Variants in FAM151B observed in about 807,000 individuals in gnomAD.
FAM151B encodes the protein family with sequence similarity 151 member B, also known as protein FAM151B.
In FAM151B, 24 loss-of-function variants were observed where a neutral mutation model predicts 31.2. That is an observed-to-expected ratio of 0.77 (90% CI 0.56 to 1.08). The LOEUF (loss-of-function observed/expected upper bound fraction) is 1.08. Among genes scored for constraint, FAM151B ranks in the 50% least tolerant of loss-of-function variants. The pLI is 0.00. For synonymous variants in FAM151B, 105 were observed against 111.4 expected, an observed-to-expected ratio of 0.94 and a Z score of 0.36; for missense variants, 293 against 328.6, an observed-to-expected ratio of 0.89 and a Z score of 0.84.
chr5:80,514,104 CTATT>C (rs1408049267), intron 3 of FAM151B, among the ~76,000 whole-genome samples: 1 of 152,116 alleles, frequency 6.6e-6, no homozygotes, highest in African/African-American at 2.4e-5. Flanking sequence ...AATGCATACC[CTATT>C]TGATTTATGT....
chr5:80,496,163 A>C (rs1743529590), intron 1 of FAM151B, among the ~76,000 whole-genome samples: 1 of 152,178 alleles, frequency 6.6e-6, no homozygotes, highest in Admixed American at 6.5e-5. Flanking sequence ...TGCCACAGAG[A>C]GATCTTTCAT....
intron 5 of FAM151B, among the ~76,000 whole-genome samples, chr5:80,527,948 C>G (rs1205869681): frequency 1.3e-5 from 2 of 152,194 alleles, no homozygotes; most frequent in Non-Finnish European, 2.9e-5. Context: ...GCTTAAAACA[C>G]AACCACCTTG....
intron 2 of FAM151B, among the ~76,000 whole-genome samples, chr5:80,502,882 GCGTAGCATATAATAACTACA>G (rs1743801504): frequency 6.6e-6 from 1 of 152,124 alleles, no homozygotes; most frequent in African/African-American, 2.4e-5. Flanking sequence ...CTGAAACAGT[GCGTAGCATATAATAACTACA>G]CAGTGATTAT....
intron 5 of FAM151B, among the ~76,000 whole-genome samples, chr5:80,531,792 C>T (rs1038209103): frequency 6.6e-6 from 1 of 152,134 alleles, no homozygotes; most frequent in Non-Finnish European, 1.5e-5. Context: ...GTTGGTGGGA[C>T]TATAAACTAG....
At chr5:80,521,098 T>G (rs1744686096) in intron 4 of FAM151B, among the ~76,000 whole-genome samples, 1 of 147,050 alleles carries the variant, frequency 6.8e-6, no homozygotes, top group Non-Finnish European at 1.5e-5. Context: ...ATTACAGGCA[T>G]GAGCCACTGC....
rs1191997173 is a variant in FAM151B at position 80,541,627 on chromosome 5, C to T, written c.672-46C>T. On this transcript the variant is annotated intron_variant, in intron 5 of 5. Transcript: ENST00000282226. ...TTAGGCTTATTGGAATGACTCATCG[C>T]TTTCTTCCACTTTTAACTGTATAAT... The T allele has an allele frequency of 2.5e-6, 4 of 1,578,642 alleles. No homozygotes were observed. In the African/African-American group the frequency reaches 5.4e-5, roughly 21 times the overall value.
At chr5:80,525,754 A>G (rs1238496595) in intron 5 of FAM151B, among the ~76,000 whole-genome samples, 1 of 151,960 alleles carries the variant, frequency 6.6e-6, no homozygotes, top group African/African-American at 2.4e-5. Context: ...AACTAAAATA[A>G]CCTCTAAGGC....
intron 5 of FAM151B, among the ~76,000 whole-genome samples, chr5:80,525,265 C>G (rs1744907183): frequency 6.6e-6 from 1 of 152,132 alleles, no homozygotes; most frequent in African/African-American, 2.4e-5. Context: ...TTGAGTCAAG[C>G]AATTGTGCAT....
At position 80,513,715 on chromosome 5, in the gene FAM151B, A is replaced by T; in HGVS notation, c.263A>T (p.Glu88Val). Residue 88 changes from glutamate (E) to valine (V), a missense_variant, in exon 3 of 6, where the codon GAG (glutamate) becomes GTG (valine). Physicochemically the swap from Glu to Val is moderately radical, Grantham distance 121. Coordinates refer to ENST00000282226, the MANE Select transcript of FAM151B (RefSeq NM_205548.3). Reference protein sequence around the residue: ...PETNSDNTLQEWLTEVMKSNK... With the variant: ...PETNSDNTLQVWLTEVMKSNK... ...ACAAACAGTGATAATACTCTACAGGAGTGGCTGACTGAAGTTATGAAAAGC... is the reference window on the plus strand; with the variant it reads ...ACAAACAGTGATAATACTCTACAGGTGTGGCTGACTGAAGTTATGAAAAGC... The T allele has an allele frequency of 6.2e-7, 1 of 1,613,968 alleles. No homozygotes were observed. Among genetic ancestry groups the T allele is most frequent in the Non-Finnish European group, 8.5e-7 (1 of 1,179,980 alleles).
intron 2 of FAM151B, among the ~76,000 whole-genome samples, chr5:80,510,393 A>T (rs1266312483): frequency 6.6e-6 from 1 of 152,224 alleles, no homozygotes; most frequent in East Asian, 1.9e-4. Flanking sequence ...ATGTCTTTAC[A>T]TGGTGGCTGG....
At chr5:80,521,981 A>C (rs1274834099) in intron 4 of FAM151B, 22 bp from the exon 5 acceptor site, 8 of 1,513,582 alleles carry the variant, frequency 5.3e-6, no homozygotes, top group African/African-American at 1.4e-5. Context: ...AATAAAGTTA[A>C]ATTTTTTTCT....
At chr5:80,523,134 G>A (rs77782640) in intron 5 of FAM151B, among the ~76,000 whole-genome samples, 2,548 of 152,158 alleles carry the variant, frequency 0.017, 64 homozygotes, top group African/African-American at 0.057. Flanking sequence ...ATAAACAAGG[G>A]ATGATTCCTT....
intron 1 of FAM151B, among the ~76,000 whole-genome samples, chr5:80,492,173 C>CT (rs112056551): frequency 0.01 from 1,506 of 146,698 alleles, 12 homozygotes; most frequent in Non-Finnish European, 0.015. Context: ...GCAGATAATC[C>CT]TTTTTTTTTT....
chr5:80,514,235 G>A (rs975968180), intron 3 of FAM151B, among the ~76,000 whole-genome samples: 1 of 152,096 alleles, frequency 6.6e-6, no homozygotes, highest in South Asian at 2.1e-4. Context: ...AGCACTTTGG[G>A]AGGCTGAGGT....
intron 3 of FAM151B, among the ~76,000 whole-genome samples, chr5:80,519,300 A>C (rs1426048320): frequency 6.6e-6 from 1 of 152,204 alleles, no homozygotes; most frequent in East Asian, 1.9e-4. Context: ...TATTTCATAA[A>C]TGTGAATTTA....
intron 1 of FAM151B, chr5:80,500,495 C>T: frequency 3.9e-6 from 3 of 777,238 alleles, no homozygotes; most frequent in Non-Finnish European, 6.9e-6. Context: ...AAAAGCAAAA[C>T]ACTGTCACAA....
chr5:80,493,409 A>G (rs1388508792), intron 1 of FAM151B, among the ~76,000 whole-genome samples: 1 of 149,492 alleles, frequency 6.7e-6, no homozygotes, highest in Non-Finnish European at 1.5e-5. Flanking sequence ...ACCTTAAAAA[A>G]GAACAGAATA....
chr5:80,512,577 C>G lies in FAM151B; in HGVS notation c.152-1027C>G, dbSNP rs192993054. Among the ~76,000 whole-genome samples, 443 of 151,752 alleles carry G rather than the reference C, an allele frequency of 2.9e-3. 2 individuals are homozygous for G. The highest frequency in any genetic ancestry group is 5.6e-3 in the Non-Finnish European group (382 of 67,972). On this transcript the variant is annotated intron_variant, in intron 2 of 5. Coordinates refer to ENST00000282226, the MANE Select transcript of FAM151B (RefSeq NM_205548.3). ...ATTACTTGAGCCCAAGAGTTCACGA[C>G]CAGCCTGGGCAACATAGTGAGACCC...
chr5:80,490,380 A>T (rs1272144190), intron 1 of FAM151B, among the ~76,000 whole-genome samples: 1 of 152,246 alleles, frequency 6.6e-6, no homozygotes, highest in Non-Finnish European at 1.5e-5. Context: ...AGCCTTAAAA[A>T]AATTAATAAA....
Sources: gnomAD v4.1 joint callset for allele counts (sites outside exome capture counted in the v4.1 genomes callset) on GRCh38, gnomAD v4.1.1 for gene constraint, MANE v1.5 for transcripts, NCBI Gene and HGNC (gene_info 2026-07-23, HGNC 2026-07-21) for gene names.